MTR: variants seen among roughly 807,000 people sequenced by gnomAD.
The protein encoded by MTR is methionine synthase.
In MTR, 84 loss-of-function variants were observed where a neutral mutation model predicts 154.8. That is an observed-to-expected ratio of 0.54 (90% CI 0.45 to 0.65). The LOEUF is 0.65. Ranked by LOEUF, MTR falls within the 30% of genes least tolerant of loss-of-function variation. MTR has a pLI of 0.00. For synonymous variants in MTR, 554 were observed against 553.9 expected, an observed-to-expected ratio of 1.00 and a Z score of 0.00; for missense variants, 1,275 against 1,570.2, an observed-to-expected ratio of 0.81 and a Z score of 3.18.
chr1:236,807,028 T>G (rs892197882), intron 3 of MTR, among the ~76,000 whole-genome samples: 12 of 152,222 alleles, frequency 7.9e-5, no homozygotes, highest in Non-Finnish European at 1.6e-4. Flanking sequence ...ATTGTGAATA[T>G]GCAATGTTGC....
At chr1:236,819,816 G>T in intron 8 of MTR, 1 of 762,314 alleles carries the variant, frequency 1.3e-6, no homozygotes, top group Non-Finnish European at 2.4e-6. Flanking sequence ...GCTACAGCTG[G>T]CGGCTTGTGC....
At chr1:236,850,135 A>T (rs1312841052) in intron 15 of MTR, among the ~76,000 whole-genome samples, 1 of 152,106 alleles carries the variant, frequency 6.6e-6, no homozygotes, top group East Asian at 1.9e-4. Flanking sequence ...ATAATTTGAT[A>T]AGTGATCGGA....
At chr1:236,897,300 CCACACACACGCACACACACACACA>C (rs1236028554) in intron 32 of MTR, among the ~76,000 whole-genome samples, 182 bp downstream of exon 32, 1 of 30,714 alleles carries the variant, frequency 3.3e-5, no homozygotes, top group Non-Finnish European at 8.4e-5. Flanking sequence ...TACATGCAAG[CCACACACACGCACACACACACACA>C]CACACACACA....
At chr1:236,894,259 A>G (rs1224346780) in intron 29 of MTR, 98 bp from the exon 30 acceptor site, 3 of 1,171,190 alleles carry the variant, frequency 2.6e-6, no homozygotes, top group Non-Finnish European at 3.8e-6. Flanking sequence ...TGTGAAGCTT[A>G]TTCTCATTTG....
chr1:236,863,115 C>T (rs1370295369), intron 21 of MTR, among the ~76,000 whole-genome samples: 1 of 152,162 alleles, frequency 6.6e-6, no homozygotes, highest in African/African-American at 2.4e-5. Context: ...TTCCCCTCTC[C>T]CCTGCCTCTC....
At chr1:236,839,173 A>C (rs995243509) in intron 15 of MTR, among the ~76,000 whole-genome samples, 1 of 152,216 alleles carries the variant, frequency 6.6e-6, no homozygotes, top group Non-Finnish European at 1.5e-5. Context: ...GAAGTATTCA[A>C]TAAATGCTGT....
chr1:236,874,989 G>A lies in MTR; in HGVS notation c.2594+143G>A, dbSNP rs1385367890. On this transcript the variant is annotated intron_variant, in intron 24 of 32. Coordinates refer to ENST00000366577, the MANE Select transcript of MTR (RefSeq NM_000254.3). ...TGTTATATAAACACAAACATTTTCTGGTGTTCACTTGGGTGAGAGCCAGAA... is the reference window on the plus strand; with the variant it reads ...TGTTATATAAACACAAACATTTTCTAGTGTTCACTTGGGTGAGAGCCAGAA... 3 of 995,278 alleles carry A rather than the reference G, an allele frequency of 3.0e-6. No individual in the cohort carries two copies. The Admixed American group carries it at 6.5e-5, about 21-fold the overall frequency. The allele number at this position is 995,278 out of a possible 1,614,324, so 61.7% of individuals were successfully genotyped here. A position where few individuals can be genotyped will look rare whatever the true frequency, so the allele number is the denominator to read the frequency against.
rs187350808 is a variant in MTR, at chr1:236,823,693, T to C, written c.765-426T>C. Among the ~76,000 whole-genome samples the C allele has an allele frequency of 5.6e-3, 847 of 151,840 alleles. 20 individuals are homozygous for C. The highest frequency in any genetic ancestry group is 1.3e-3 in the Non-Finnish European group (91 of 67,938). On this transcript the variant is annotated intron_variant, in intron 8 of 32. Transcript: ENST00000366577. ...GTGGGGTAGAGCATAAGTCCTGGTCTGGTCTCGTGGACTTCAAGAGTGGCT... is the reference window on the plus strand; with the variant it reads ...GTGGGGTAGAGCATAAGTCCTGGTCCGGTCTCGTGGACTTCAAGAGTGGCT...
rs1455699268 is a variant in MTR at position 236,897,318 on chromosome 1, A to G, written c.3711+200A>G. ...ATGCAAGCCACACACACGCACACAC[A>G]CACACACACACACACACACACACAC... is the stretch of plus-strand genomic sequence containing the variant. On this transcript the variant is annotated intron_variant, in intron 32 of 32. Transcript: ENST00000366577. Among the ~76,000 whole-genome samples the G allele has an allele frequency of 1.5e-3, 133 of 90,468 alleles. 1 individual carries two copies. The highest frequency in any genetic ancestry group is 2.9e-3 in the African/African-American group (61 of 20,852). 59.4% of individuals were successfully genotyped at this position (90,468 alleles called of 152,430 possible).
At chr1:236,863,663 T>TA (rs1664675189) in intron 22 of MTR, 109 bp downstream of exon 22, 6 of 945,436 alleles carry the variant, frequency 6.3e-6, no homozygotes, top group Admixed American at 2.0e-5. Context: ...CAGTGGATGT[T>TA]AGAGGTTATT....
chr1:236,817,068 C>A (rs1216842849), intron 8 of MTR, among the ~76,000 whole-genome samples: 1 of 152,158 alleles, frequency 6.6e-6, no homozygotes, highest in Non-Finnish European at 1.5e-5. Flanking sequence ...GCTTGGCCAA[C>A]ATAGCAGGAT....
At chr1:236,835,762 C>G (rs1054251780) in intron 14 of MTR, 75 bp downstream of exon 14, 1 of 1,586,026 alleles carries the variant, frequency 6.3e-7, no homozygotes, top group Non-Finnish European at 8.7e-7. Context: ...GCCAGTTGTC[C>G]CATTAATCTG....
At chr1:236,819,150 G>A (rs953500170) in intron 8 of MTR, among the ~76,000 whole-genome samples, 14 of 152,070 alleles carry the variant, frequency 9.2e-5, no homozygotes, top group Admixed American at 5.2e-4. Context: ...GTTCATTCTT[G>A]GTTTTGTATA....
At chr1:236,863,593 T>A in intron 22 of MTR, 39 bp downstream of exon 22, 1 of 1,562,642 alleles carries the variant, frequency 6.4e-7, no homozygotes, top group African/African-American at 1.4e-5. Context: ...CCTTTTCCAT[T>A]TAAAAATGAA....
chr1:236,827,009 G>A, intron 11 of MTR, 113 bp downstream of exon 11: 1 of 963,788 alleles, frequency 1.0e-6, no homozygotes, highest in Non-Finnish European at 1.6e-6. Flanking sequence ...TTTGTATGTT[G>A]AAGTTCTAAC....
Position 236,894,341 on chromosome 1 carries a change from A to G in MTR, c.3205-16A>G, listed in dbSNP as rs749332647. On this transcript the variant is annotated splice_polypyrimidine_tract_variant and intron_variant, in intron 29 of 32. Transcript: ENST00000366577. ...TAACGGCGCCCCCGCACACTCCTACACTCCTTGGTTTTAAGGCTGAGAAGG... is the reference window on the plus strand; with the variant it reads ...TAACGGCGCCCCCGCACACTCCTACGCTCCTTGGTTTTAAGGCTGAGAAGG... The G allele has an allele frequency of 6.2e-7, 1 of 1,613,734 alleles. No homozygotes were observed. The highest frequency in any genetic ancestry group is 1.3e-5 in the African/African-American group (1 of 74,874).
intron 15 of MTR, among the ~76,000 whole-genome samples, chr1:236,841,421 A>G (rs1254278767): frequency 1.3e-5 from 2 of 152,152 alleles, no homozygotes; most frequent in Non-Finnish European, 1.5e-5. Context: ...TCGCCTTCAG[A>G]TTGTCCCCTA....
intron 10 of MTR, 96 bp downstream of exon 10, chr1:236,825,495 C>G: frequency 8.2e-7 from 1 of 1,220,958 alleles, no homozygotes; most frequent in South Asian, 1.2e-5. Context: ...CTGAAGAAAT[C>G]CCAATGTACA....
At position 236,878,282 on chromosome 1, in the gene MTR, G is replaced by A. The variant is rs1052777845; in HGVS notation, c.2595-2473G>A. 3.3e-5 allele frequency among the ~76,000 whole-genome samples: 5 copies of A among 152,224 alleles called. No homozygotes were observed. The South Asian group carries it at 8.3e-4, about 25-fold the overall frequency. On this transcript the variant is annotated intron_variant, in intron 24 of 32. Transcript: ENST00000366577. ...GAGCCACCTTTGCTAGAAATAGAAA[G>A]CATTCAGGAGTTGAAGTGTCTCAGA... is the stretch of plus-strand genomic sequence containing the variant.
Sources: gnomAD v4.1 joint callset for allele counts (sites outside exome capture counted in the v4.1 genomes callset) on GRCh38, gnomAD v4.1.1 for gene constraint, MANE v1.5 for transcripts, NCBI Gene and HGNC (gene_info 2026-07-23, HGNC 2026-07-21) for gene names.